Variants in FAM89A observed in about 807,000 individuals in gnomAD.
The protein encoded by FAM89A is protein FAM89A.
Under a neutral mutation model 7.1 loss-of-function variants are expected in FAM89A, and 10 were observed. The observed-to-expected ratio is 1.40, with a 90% CI of 0.86 to 2.38. The LOEUF (loss-of-function observed/expected upper bound fraction) is 2.38. Among genes scored for constraint, FAM89A ranks in the 30% most tolerant of loss-of-function variants. The pLI, the probability that FAM89A is intolerant of heterozygous loss-of-function variation, is 0.00. For synonymous variants in FAM89A, 157 were observed against 129.3 expected, an observed-to-expected ratio of 1.21 and a Z score of -1.45; for missense variants, 276 against 262.8, an observed-to-expected ratio of 1.05 and a Z score of -0.35.
chr1:231,030,383 A>AT, intron 1 of FAM89A, among the ~76,000 whole-genome samples: 1 of 152,270 alleles, frequency 6.6e-6, no homozygotes, highest in East Asian at 1.9e-4. Flanking sequence ...TTTGAATTGG[A>AT]TTTTCTGCTA....
At chr1:231,021,183 C>T (rs1384384606) in intron 1 of FAM89A, among the ~76,000 whole-genome samples, 2 of 152,230 alleles carry the variant, frequency 1.3e-5, no homozygotes, top group Non-Finnish European at 2.9e-5. Context: ...CAAGAAGACA[C>T]CAGGGGACCT....
chr1:231,035,065 T>C (rs1225055726), intron 1 of FAM89A, among the ~76,000 whole-genome samples: 1 of 152,124 alleles, frequency 6.6e-6, no homozygotes, highest in Non-Finnish European at 1.5e-5. Flanking sequence ...CCTGACTCAA[T>C]CACAGCCTCT....
Position 231,040,068 on chromosome 1 carries a change from CCG to C in FAM89A, c.142_143del (p.Arg48AlafsTer96). ...TCTGCGCGTACAGCCGCTCCAGGTG[CCG>C]CCAGCCCCCAGACGCGCCGCCGCCC... is the stretch of plus-strand genomic sequence containing the variant. ...ASGGGASGGWRHLERLYAQKS... is the reference protein window; with the variant it reads ...ASGGGASGGWXHLERLYAQKS... On this transcript the variant is annotated frameshift_variant, in exon 1 of 2. Coordinates refer to ENST00000366654, the MANE Select transcript of FAM89A (RefSeq NM_198552.3). LOFTEE classifies it high-confidence loss of function. 1 of 1,446,782 alleles carries C rather than the reference CCG, an allele frequency of 6.9e-7. No individual in the cohort carries two copies. Among genetic ancestry groups the C allele is most frequent in the Non-Finnish European group, 9.1e-7 (1 of 1,101,976 alleles). The allele number at this position is 1,446,782 out of a possible 1,614,324, so 89.6% of individuals were successfully genotyped here. A position where few individuals can be genotyped will look rare whatever the true frequency, so the allele number is the denominator to read the frequency against.
intron 1 of FAM89A, among the ~76,000 whole-genome samples, chr1:231,038,719 A>T (rs1029856325): frequency 6.6e-6 from 1 of 152,244 alleles, no homozygotes; most frequent in African/African-American, 2.4e-5. Flanking sequence ...CTTTGATTAA[A>T]AGTGTTAAGG....
chr1:231,033,871 T>C (rs1680114871), intron 1 of FAM89A, among the ~76,000 whole-genome samples: 1 of 152,170 alleles, frequency 6.6e-6, no homozygotes, highest in South Asian at 2.1e-4. Context: ...ATCAAGTGAA[T>C]GAAGCCAGGC....
At chr1:231,022,210 G>A (rs1056849346) in intron 1 of FAM89A, 7 of 969,650 alleles carry the variant, frequency 7.2e-6, no homozygotes, top group African/African-American at 3.2e-5. Flanking sequence ...CAGGAGAGAC[G>A]GATGGACAAT....
intron 1 of FAM89A, among the ~76,000 whole-genome samples, chr1:231,038,505 C>G (rs1256458672): frequency 6.6e-6 from 1 of 152,234 alleles, no homozygotes; most frequent in Non-Finnish European, 1.5e-5. Context: ...TGTCCAAGTT[C>G]AGACTGTAAA....
chr1:231,037,627 A>G (rs1478888013), intron 1 of FAM89A, among the ~76,000 whole-genome samples: 1 of 152,128 alleles, frequency 6.6e-6, no homozygotes, highest in African/African-American at 2.4e-5. Flanking sequence ...CTGGGATAAT[A>G]CCATTCTCCT....
intron 1 of FAM89A, among the ~76,000 whole-genome samples, chr1:231,034,158 A>T (rs570090874): frequency 6.6e-6 from 1 of 152,280 alleles, no homozygotes; most frequent in African/African-American, 2.4e-5. Context: ...AATTCACAGC[A>T]ACTAGGTATA....
intron 1 of FAM89A, among the ~76,000 whole-genome samples, chr1:231,037,861 T>A (rs1680184527): frequency 1.3e-5 from 2 of 150,142 alleles, no homozygotes; most frequent in Admixed American, 1.3e-4. Flanking sequence ...ATGCTTGCTT[T>A]AAAAAAAAAA....
chr1:231,032,560 T>C (rs2103075322), intron 1 of FAM89A, among the ~76,000 whole-genome samples: 1 of 152,188 alleles, frequency 6.6e-6, no homozygotes, highest in South Asian at 2.1e-4. Context: ...CCACTTCTCT[T>C]TTAGCAGCAT....
chr1:231,021,420 G>A (rs1449643038), intron 1 of FAM89A, among the ~76,000 whole-genome samples: 3 of 152,230 alleles, frequency 2.0e-5, no homozygotes, highest in South Asian at 2.1e-4. Context: ...GGAGTGCGCC[G>A]GTGGCAGCGC....
At chr1:231,029,559 G>A (rs962800393) in intron 1 of FAM89A, among the ~76,000 whole-genome samples, 1 of 152,270 alleles carries the variant, frequency 6.6e-6, no homozygotes, top group African/African-American at 2.4e-5. Flanking sequence ...TGGCAGAGTG[G>A]GGAGGTGACC....
intron 1 of FAM89A, 48 bp downstream of exon 1, chr1:231,039,858 GCGAACTTTCCCGGGA>G: frequency 7.9e-7 from 1 of 1,267,748 alleles, no homozygotes; most frequent in South Asian, 2.6e-5. Context: ...CGCGGTCCCC[GCGAACTTTCCCGGGA>G]CGGCGAGCCC....
At position 231,040,102 on chromosome 1, in the gene FAM89A, G is replaced by T. The variant is rs868582324; in HGVS notation, c.110C>A (p.Ser37Ter). 3 of 1,433,012 alleles carry T rather than the reference G, an allele frequency of 2.1e-6. No homozygotes were observed. Among genetic ancestry groups the T allele is most frequent in the Non-Finnish European group, 2.7e-6 (3 of 1,093,290 alleles). The allele number at this position is 1,433,012 out of a possible 1,614,324, so 88.8% of individuals were successfully genotyped here. Residue 37 changes from serine to a stop codon, truncating the protein, a stop_gained, in exon 1 of 2, where the codon TCG becomes TAG. Transcript: ENST00000366654. LOFTEE classifies it high-confidence loss of function. Reference sequence around the variant, plus strand: ...CCCAGACGCGCCGCCGCCCGACGCCGAGTGCAGCAGCCCGCTCAAGCTCTT... The same window carrying T: ...CCCAGACGCGCCGCCGCCCGACGCCTAGTGCAGCAGCCCGCTCAAGCTCTT... ...LPKSLSGLLHSASGGGASGGW... is the reference protein window; with the variant it reads ...LPKSLSGLLH
In FAM89A at chr1:231,019,756, C is replaced by T. The variant is rs1013488756; in HGVS notation, c.*107G>A. 3.1e-5 allele frequency: 41 copies of T among 1,303,290 alleles called. No individual in the cohort carries two copies. The highest frequency in any genetic ancestry group is 1.7e-4 in the East Asian group (7 of 41,584). The allele number at this position is 1,303,290 out of a possible 1,614,324, so 80.7% of individuals were successfully genotyped here. A position where few individuals can be genotyped will look rare whatever the true frequency, so the allele number is the denominator to read the frequency against. On this transcript the variant is annotated 3_prime_UTR_variant, in exon 2 of 2. Transcript: ENST00000366654. ...ACTGGTAGCGCTCATCCCCTGTGCC[C>T]GAGGACCGTCCACAACGGAGGTGCT...
chr1:231,024,185 A>T (rs888948099), intron 1 of FAM89A, among the ~76,000 whole-genome samples: 4 of 139,458 alleles, frequency 2.9e-5, no homozygotes, highest in Non-Finnish European at 4.7e-5. Context: ...GATGGAAATA[A>T]AACCATTAAT....
intron 1 of FAM89A, among the ~76,000 whole-genome samples, chr1:231,028,249 A>T (rs1315883287): frequency 2.0e-5 from 3 of 152,116 alleles, no homozygotes; most frequent in Admixed American, 2.0e-4. Context: ...GCATCAGACC[A>T]CTGAGTCCCC....
At position 231,019,740 on chromosome 1, in the gene FAM89A, G is replaced by C. The variant is rs1320672470; in HGVS notation, c.*123C>G. On this transcript the variant is annotated 3_prime_UTR_variant, in exon 2 of 2. Coordinates refer to ENST00000366654, the MANE Select transcript of FAM89A (RefSeq NM_198552.3). ...CCTGCCTACAAATGAAACTGGTAGC[G>C]CTCATCCCCTGTGCCCGAGGACCGT... is the stretch of plus-strand genomic sequence containing the variant. The C allele has an allele frequency of 9.5e-7, 1 of 1,057,838 alleles. No individual in the cohort carries two copies. The highest frequency in any genetic ancestry group is 2.5e-5 in the East Asian group (1 of 39,276). The allele number at this position is 1,057,838 out of a possible 1,614,324, so 65.5% of individuals were successfully genotyped here.
Sources: allele counts gnomAD v4.1 joint callset (sites outside exome capture counted in the v4.1 genomes callset), GRCh38; gene constraint gnomAD v4.1.1; transcripts MANE v1.5; gene names NCBI Gene and HGNC (gene_info 2026-07-23, HGNC 2026-07-21).